ZFHX3: variants seen among roughly 807,000 people sequenced by gnomAD.
The protein encoded by ZFHX3 is zinc finger homeobox 3.
Under a neutral mutation model 279.1 loss-of-function variants are expected in ZFHX3, and 42 were observed. The ratio of observed to expected loss-of-function variants is 0.15; its 90% CI spans 0.12 to 0.19. The LOEUF is 0.19. ZFHX3 is among the 10% of genes least tolerant of loss of function. ZFHX3 has a pLI of 1.00. For missense variants in ZFHX3, 4,981 were observed against 4,754.0 expected (o/e 1.05, Z -1.40); for synonymous variants, 2,293 against 1,957.8 (o/e 1.17, Z -4.52).
intron 2 of ZFHX3, among the ~76,000 whole-genome samples, chr16:73,654,853 A>T (rs1597049662): frequency 1.1e-5 from 1 of 89,506 alleles, no homozygotes; most frequent in Non-Finnish European, 2.1e-5. Context: ...GATAGTAATC[A>T]CTTTTTTTTT....
intron 2 of ZFHX3, among the ~76,000 whole-genome samples, chr16:73,589,670 C>A (rs1426802880): frequency 7.8e-6 from 1 of 127,520 alleles, no homozygotes; most frequent in Non-Finnish European, 1.6e-5. Context: ...ATGGAGCTTG[C>A]AGTGAGCCAA....
At chr16:72,852,012 C>T (rs995177215) in intron 4 of ZFHX3, among the ~76,000 whole-genome samples, 3 of 152,202 alleles carry the variant, frequency 2.0e-5, no homozygotes, top group Non-Finnish European at 4.4e-5. Flanking sequence ...TAATGGAAGA[C>T]TCTTCTGGGA....
intron 1 of ZFHX3, among the ~76,000 whole-genome samples, chr16:73,737,461 AAC>A (rs1330409502): frequency 6.6e-6 from 1 of 152,226 alleles, no homozygotes; most frequent in Non-Finnish European, 1.5e-5. Context: ...AAGACAGCAT[AAC>A]CATCTCAGTT....
Position 72,788,649 on chromosome 16 carries a change from C to T in ZFHX3, c.9627G>A (p.Gln3209=), listed in dbSNP as rs771055705. ...QQQQQQPQVQ[Q]PPPPPAAQPP... is the part of the protein sequence containing the mutation. ...GCTGGGCTGCTGGCGGCGGGGGAGGCTGCTGCACCTGTGGTTGCTGCTGCT... is the reference window on the plus strand; with the variant it reads ...GCTGGGCTGCTGGCGGCGGGGGAGGTTGCTGCACCTGTGGTTGCTGCTGCT... Residue 3209 remains glutamine (Q), a synonymous_variant, in exon 10 of 10, where the codon CAG becomes CAA. Transcript: ENST00000268489. The T allele has an allele frequency of 5.0e-6, 8 of 1,613,596 alleles. No homozygotes were observed. Among genetic ancestry groups the T allele is most frequent in the Non-Finnish European group, 6.8e-6 (8 of 1,179,798 alleles).
chr16:73,856,993 A>G (rs1049545120), intron 1 of ZFHX3, among the ~76,000 whole-genome samples: 68 of 152,364 alleles, frequency 4.5e-4, no homozygotes, highest in Admixed American at 7.2e-4. Flanking sequence ...GTGGCCAGAG[A>G]GCGGCACAGA....
intron 1 of ZFHX3, among the ~76,000 whole-genome samples, chr16:73,756,286 G>A (rs775082919): frequency 1.3e-5 from 2 of 152,164 alleles, no homozygotes; most frequent in Non-Finnish European, 2.9e-5. Flanking sequence ...GTTTTTGTTG[G>A]AGGGGTAGCA....
intron 2 of ZFHX3, among the ~76,000 whole-genome samples, chr16:73,494,268 G>T (rs754576505): frequency 1.3e-5 from 2 of 152,170 alleles, no homozygotes; most frequent in Admixed American, 1.3e-4. Context: ...GCTGGTTTAC[G>T]TAAAGCAAAT....
chr16:73,644,194 G>T (rs1167341433), intron 2 of ZFHX3, among the ~76,000 whole-genome samples: 2 of 152,004 alleles, frequency 1.3e-5, no homozygotes, highest in African/African-American at 4.8e-5. Context: ...CTTGGTTAAG[G>T]CATTAAAATG....
At chr16:73,142,762 C>T (rs1008477151) in intron 6 of ZFHX3, among the ~76,000 whole-genome samples, 1 of 152,196 alleles carries the variant, frequency 6.6e-6, no homozygotes, top group African/African-American at 2.4e-5. Flanking sequence ...ATTATAGGCA[C>T]AAGACTAAGC....
chr16:73,317,335 T>C (rs896684920), intron 4 of ZFHX3, among the ~76,000 whole-genome samples: 6 of 152,106 alleles, frequency 3.9e-5, no homozygotes, highest in Non-Finnish European at 8.8e-5. Context: ...TCAGTATTAA[T>C]CTTGCTTTCT....
chr16:73,404,121 T>G (rs2041646623), intron 3 of ZFHX3, among the ~76,000 whole-genome samples: 1 of 152,186 alleles, frequency 6.6e-6, no homozygotes, highest in African/African-American at 2.4e-5. Context: ...TCTGCCTGTC[T>G]GGGTTAGCCA....
intron 5 of ZFHX3, among the ~76,000 whole-genome samples, chr16:73,223,000 C>T (rs1030011905): frequency 2.0e-5 from 3 of 152,068 alleles, no homozygotes; most frequent in Non-Finnish European, 4.4e-5. Context: ...GTTGGTGGAA[C>T]AACTGGACAT....
chr16:73,413,538 A>G (rs1453093059), intron 3 of ZFHX3, among the ~76,000 whole-genome samples: 1 of 152,238 alleles, frequency 6.6e-6, no homozygotes, highest in East Asian at 1.9e-4. Flanking sequence ...TACAATTAGC[A>G]AAAGGCAATC....
chr16:73,651,190 G>A lies in ZFHX3; in HGVS notation c.-1547+28990C>T, dbSNP rs191469611. 2.4e-3 allele frequency among the ~76,000 whole-genome samples: 371 copies of A among 151,714 alleles called. 2 individuals are homozygous for A. Among genetic ancestry groups the A allele is most frequent in the Non-Finnish European group, 4.4e-3 (301 of 67,938 alleles). ...ATTAGAAACAGCCAAAGAGAAAGCAGGCAAATGGGAGTATTAGTCAGATGA... is the reference window on the plus strand; with the variant it reads ...ATTAGAAACAGCCAAAGAGAAAGCAAGCAAATGGGAGTATTAGTCAGATGA... On this transcript the variant is annotated intron_variant, in intron 2 of 17. Transcript: ENST00000641206.
At position 72,797,111 on chromosome 16, in the gene ZFHX3, T is replaced by G. The variant is rs1452822864; in HGVS notation, c.5571A>C (p.Gln1857His). 6.2e-7 allele frequency: 1 copy of G among 1,613,606 alleles called. No individual in the cohort carries two copies. The highest frequency in any genetic ancestry group is 8.5e-7 in the Non-Finnish European group (1 of 1,179,950). ...CAGAGTGACTCTGGGCTATAGAGAGTTGGTTCTGCTGCTGCTGCGGCAAGA... is the reference window on the plus strand; with the variant it reads ...CAGAGTGACTCTGGGCTATAGAGAGGTGGTTCTGCTGCTGCTGCGGCAAGA... ...QQILPQQQQN[Q>H]LSIAQSHSAL... The change falls in exon 9 of 10, where the codon CAA becomes CAC. Residue 1857 changes from glutamine (Q) to histidine (H), a missense_variant. Gln to His is a conservative substitution (Grantham distance 24, BLOSUM62 0). Transcript: ENST00000268489.
intron 3 of ZFHX3, among the ~76,000 whole-genome samples, chr16:72,903,937 G>A (rs2039103740): frequency 6.6e-6 from 1 of 152,178 alleles, no homozygotes. Context: ...GGGCCCTTCA[G>A]CCCACTGGAA....
intron 2 of ZFHX3, among the ~76,000 whole-genome samples, chr16:73,606,726 C>G (rs893548835): frequency 6.6e-6 from 1 of 152,124 alleles, no homozygotes; most frequent in Non-Finnish European, 1.5e-5. Flanking sequence ...AATGCTCTCC[C>G]GCTACTTCCC....
At chr16:73,684,713 T>C (rs1211156391) in intron 1 of ZFHX3, among the ~76,000 whole-genome samples, 1 of 113,016 alleles carries the variant, frequency 8.8e-6, no homozygotes, top group African/African-American at 3.0e-5. Context: ...TTTTTTTTTT[T>C]TTTTGGAGAT....
intron 1 of ZFHX3, among the ~76,000 whole-genome samples, chr16:73,781,710 C>T (rs138566717): frequency 0.01 from 1,532 of 152,222 alleles, 16 homozygotes; most frequent in Non-Finnish European, 0.013. Flanking sequence ...AACAAGAGGT[C>T]GGGCGTGGTG....
Sources: allele counts gnomAD v4.1 joint callset (sites outside exome capture counted in the v4.1 genomes callset), GRCh38; gene constraint gnomAD v4.1.1; transcripts MANE v1.5; gene names NCBI Gene and HGNC (gene_info 2026-07-23, HGNC 2026-07-21).